SYNDIG1: variants seen among roughly 807,000 people sequenced by gnomAD.
SYNDIG1 encodes synapse differentiation-inducing gene protein 1.
Under a neutral mutation model 19.4 loss-of-function variants are expected in SYNDIG1, and 9 were observed. The ratio of observed to expected loss-of-function variants is 0.46; its 90% CI spans 0.28 to 0.81. The LOEUF (loss-of-function observed/expected upper bound fraction) is 0.81. Ranked by LOEUF, SYNDIG1 falls within the 30% of genes least tolerant of loss-of-function variation. SYNDIG1 has a pLI of 0.12. For synonymous variants in SYNDIG1, 141 were observed against 145.9 expected (o/e 0.97, Z 0.24); for missense variants, 311 against 343.3 (o/e 0.91, Z 0.74).
At chr20:24,491,883 G>C (rs2056159489) in intron 1 of SYNDIG1, 3 of 152,242 alleles carry the variant, frequency 2.0e-5, no homozygotes, top group Non-Finnish European at 4.4e-5. Flanking sequence ...TCAGGAAGCT[G>C]ATCGTTTCCT....
At chr20:24,510,110 A>G (rs997706047) in intron 1 of SYNDIG1, among the ~76,000 whole-genome samples, 8 of 152,306 alleles carry the variant, frequency 5.3e-5, no homozygotes, top group Non-Finnish European at 8.8e-5. Flanking sequence ...TGCCAGCACC[A>G]TGCTTCCTGT....
At chr20:24,645,756 A>G (rs1037806238) in intron 3 of SYNDIG1, among the ~76,000 whole-genome samples, 4 of 152,364 alleles carry the variant, frequency 2.6e-5, no homozygotes, top group African/African-American at 9.6e-5. Flanking sequence ...TGTGGCTACC[A>G]TCTGATTAAT....
intron 3 of SYNDIG1, among the ~76,000 whole-genome samples, chr20:24,627,478 C>T (rs1282923978): frequency 6.6e-6 from 1 of 152,158 alleles, no homozygotes; most frequent in Non-Finnish European, 1.5e-5. Flanking sequence ...GTTTTGAGAA[C>T]TCCTCCCCTG....
chr20:24,548,502 G>A (rs2057636914), intron 2 of SYNDIG1, among the ~76,000 whole-genome samples: 1 of 152,162 alleles, frequency 6.6e-6, no homozygotes, highest in Non-Finnish European at 1.5e-5. Context: ...GGAAAGAGGG[G>A]CGAGGACTCA....
intron 3 of SYNDIG1, among the ~76,000 whole-genome samples, chr20:24,608,469 G>C (rs952752363): frequency 6.6e-6 from 1 of 152,068 alleles, no homozygotes; most frequent in African/African-American, 2.4e-5. Context: ...GTGAGTCACC[G>C]CGCCCCACCA....
At chr20:24,547,466 G>A (rs368290822) in intron 2 of SYNDIG1, among the ~76,000 whole-genome samples, 8 of 152,282 alleles carry the variant, frequency 5.3e-5, no homozygotes, top group African/African-American at 1.4e-4. Flanking sequence ...ACCTTAAGTC[G>A]CCAAGTAGAG....
intron 3 of SYNDIG1, among the ~76,000 whole-genome samples, chr20:24,603,400 T>C (rs1420064019): frequency 2.6e-5 from 4 of 151,672 alleles, no homozygotes; most frequent in African/African-American, 9.7e-5. Context: ...AGCAGGGAGG[T>C]GAGGGCTGGA....
At chr20:24,641,473 G>A (rs2147339500) in intron 3 of SYNDIG1, among the ~76,000 whole-genome samples, 1 of 152,284 alleles carries the variant, frequency 6.6e-6, no homozygotes, top group East Asian at 1.9e-4. Flanking sequence ...ATGGTGTTGT[G>A]CAATGGAAGA....
rs529035378 is a variant in SYNDIG1 at position 24,509,050 on chromosome 20, C to T, written c.-78-33970C>T. 2.0e-5 allele frequency among the ~76,000 whole-genome samples: 3 copies of T among 152,214 alleles called. No homozygotes were observed. In the South Asian group the frequency reaches 6.2e-4, roughly 32 times the overall value. ...CAGGCCTTAAACATAAACCTCCCTG[C>T]AATGAGCATTGGTTTACTGTTTGAT... On this transcript the variant is annotated intron_variant, in intron 1 of 3. Transcript: ENST00000376862.
intron 1 of SYNDIG1, among the ~76,000 whole-genome samples, chr20:24,521,885 G>T (rs995594828): frequency 1.7e-5 from 2 of 114,842 alleles, no homozygotes; most frequent in Non-Finnish European, 3.7e-5. Flanking sequence ...GGGTGAAAAA[G>T]AAAGACTCCC....
intron 3 of SYNDIG1, among the ~76,000 whole-genome samples, chr20:24,631,001 G>A (rs7264013): frequency 7.7e-4 from 118 of 152,368 alleles, no homozygotes; most frequent in African/African-American, 2.6e-3. Flanking sequence ...TGGAAATGAG[G>A]GAGAAGATCT....
intron 3 of SYNDIG1, among the ~76,000 whole-genome samples, chr20:24,657,598 T>C (rs1393363343): frequency 6.6e-6 from 1 of 152,196 alleles, no homozygotes; most frequent in African/African-American, 2.4e-5. Flanking sequence ...ATAAGGGTTG[T>C]TAAAAAGGCA....
intron 3 of SYNDIG1, among the ~76,000 whole-genome samples, chr20:24,630,884 G>A (rs1018062907): frequency 9.9e-5 from 15 of 152,246 alleles, no homozygotes; most frequent in African/African-American, 3.6e-4. Context: ...ACAAAGAAAA[G>A]TGAAGGCAAA....
intron 3 of SYNDIG1, among the ~76,000 whole-genome samples, chr20:24,604,001 T>C (rs1416441104): frequency 6.6e-6 from 1 of 152,224 alleles, no homozygotes; most frequent in African/African-American, 2.4e-5. Context: ...CCTGGGTTTC[T>C]CCGAAGCTGT....
At chr20:24,599,436 A>C (rs778383479) in intron 3 of SYNDIG1, among the ~76,000 whole-genome samples, 2 of 152,248 alleles carry the variant, frequency 1.3e-5, no homozygotes, top group Non-Finnish European at 2.9e-5. Context: ...AGATTTCTCA[A>C]AAAATTAAAA....
Position 24,532,502 on chromosome 20 carries a change from G to A in SYNDIG1, c.-78-10518G>A, listed in dbSNP as rs372908486. Among the ~76,000 whole-genome samples, 8 of 152,304 alleles carry A rather than the reference G, an allele frequency of 5.3e-5. No homozygotes were observed. In the East Asian group the frequency reaches 1.2e-3, roughly 22 times the overall value. On this transcript the variant is annotated intron_variant, in intron 1 of 3. Transcript: ENST00000376862. ...GGCATGGGGTGACAGGAATGTTCTG[G>A]AATCAGATAGTGATGAGGGTTGCAC...
At chr20:24,603,873 G>A (rs1420375664) in intron 3 of SYNDIG1, among the ~76,000 whole-genome samples, 1 of 152,192 alleles carries the variant, frequency 6.6e-6, no homozygotes, top group Non-Finnish European at 1.5e-5. Context: ...CTGAAAGAAT[G>A]CCAGGGGAGT....
At chr20:24,535,440 A>G (rs1487436683) in intron 1 of SYNDIG1, among the ~76,000 whole-genome samples, 2 of 152,256 alleles carry the variant, frequency 1.3e-5, no homozygotes, top group African/African-American at 4.8e-5. Context: ...TCAATAACTT[A>G]ATCCAAGATA....
intron 2 of SYNDIG1, among the ~76,000 whole-genome samples, chr20:24,557,321 C>A (rs925909564): frequency 6.6e-6 from 1 of 152,234 alleles, no homozygotes; most frequent in African/African-American, 2.4e-5. Context: ...AGTCATTCTC[C>A]GTCCAGCTTT....
Sources: gnomAD v4.1 joint callset for allele counts (sites outside exome capture counted in the v4.1 genomes callset) on GRCh38, gnomAD v4.1.1 for gene constraint, MANE v1.5 for transcripts, NCBI Gene and HGNC (gene_info 2026-07-23, HGNC 2026-07-21) for gene names.